Variants in PEPD observed in about 807,000 individuals in gnomAD.
The protein encoded by PEPD is peptidase D.
Under a neutral mutation model 60.7 loss-of-function variants are expected in PEPD, and 53 were observed. That is an observed-to-expected ratio of 0.87 (90% CI 0.70 to 1.10). PEPD has a LOEUF of 1.10. PEPD is among the 50% of genes least tolerant of loss of function. PEPD has a pLI of 0.00. For missense variants in PEPD, 711 were observed against 711.9 expected, an observed-to-expected ratio of 1.00 and a Z score of 0.01; for synonymous variants, 267 against 284.1, an observed-to-expected ratio of 0.94 and a Z score of 0.60.
chr19:33,467,940 G>A (rs1970050265), intron 7 of PEPD, among the ~76,000 whole-genome samples: 1 of 152,142 alleles, frequency 6.6e-6, no homozygotes, highest in African/African-American at 2.4e-5. Flanking sequence ...GAGTGAAAGG[G>A]CCACGTCCTC....
intron 11 of PEPD, among the ~76,000 whole-genome samples, chr19:33,404,968 T>C (rs928300134): frequency 2.0e-5 from 3 of 152,168 alleles, no homozygotes; most frequent in South Asian, 2.1e-4. Context: ...AAACCGACAA[T>C]GGAGAATTCG....
intron 5 of PEPD, among the ~76,000 whole-genome samples, chr19:33,492,814 C>T (rs900953956): frequency 1.3e-5 from 2 of 152,172 alleles, no homozygotes; most frequent in African/African-American, 4.8e-5. Flanking sequence ...GGATGGGGTC[C>T]CATAAACAGC....
At chr19:33,465,650 C>T (rs947582737) in intron 7 of PEPD, among the ~76,000 whole-genome samples, 9 of 152,192 alleles carry the variant, frequency 5.9e-5, no homozygotes, top group African/African-American at 2.2e-4. Context: ...CCTCAATACG[C>T]TTCCTGCCTA....
At chr19:33,443,969 C>A (rs951378470) in intron 9 of PEPD, among the ~76,000 whole-genome samples, 1 of 151,792 alleles carries the variant, frequency 6.6e-6, no homozygotes, top group Non-Finnish European at 1.5e-5. Context: ...CAAGTGCACG[C>A]GCGTGCGCGC....
Position 33,387,878 on chromosome 19 carries a change from G to C in PEPD, c.1344+12C>G, listed in dbSNP as rs1249813509. On this transcript the variant is annotated intron_variant, in intron 14 of 14. Coordinates refer to ENST00000244137, the MANE Select transcript of PEPD (RefSeq NM_000285.4). ...TGTTCTGGGAGCAAGAATGGGGCCC[G>C]TGGGCACTCACCCCGCCAAAACCGC... 6.4e-7 allele frequency: 1 copy of C among 1,552,770 alleles called. No homozygotes were observed. Among genetic ancestry groups the C allele is most frequent in the Non-Finnish European group, 8.7e-7 (1 of 1,147,784 alleles).
intron 3 of PEPD, among the ~76,000 whole-genome samples, chr19:33,505,190 C>A (rs1970776255): frequency 6.6e-6 from 1 of 152,180 alleles, no homozygotes; most frequent in South Asian, 2.1e-4. Context: ...CCATCACCAT[C>A]CATTTCCCGC....
chr19:33,393,257 T>G (rs1600077239), intron 12 of PEPD, among the ~76,000 whole-genome samples: 3 of 96,864 alleles, frequency 3.1e-5, no homozygotes, highest in African/African-American at 1.2e-4. Flanking sequence ...GGGTCTGGCG[T>G]GGGGGAGGGC....
At chr19:33,407,188 G>A (rs184336853) in intron 11 of PEPD, among the ~76,000 whole-genome samples, 5 of 152,350 alleles carry the variant, frequency 3.3e-5, no homozygotes, top group Admixed American at 6.5e-5. Context: ...AGGGAGGCAG[G>A]AGGAGTGTCC....
At chr19:33,396,738 C>T (rs1245471419) in intron 12 of PEPD, among the ~76,000 whole-genome samples, 1 of 138,110 alleles carries the variant, frequency 7.2e-6, no homozygotes, top group Non-Finnish European at 1.6e-5. Flanking sequence ...GGAGCTGGGT[C>T]GGGGCTGGGA....
chr19:33,408,872 C>T (rs8100424), intron 11 of PEPD, among the ~76,000 whole-genome samples: 16,516 of 152,294 alleles, frequency 0.11, 2,032 homozygotes, highest in African/African-American at 0.3. Flanking sequence ...CAACAATGGA[C>T]TATAAATGCC....
At chr19:33,437,298 C>T (rs554974543) in intron 9 of PEPD, among the ~76,000 whole-genome samples, 5 of 152,094 alleles carry the variant, frequency 3.3e-5, no homozygotes, top group East Asian at 1.9e-4. Flanking sequence ...GGCAATTCCA[C>T]GAACAAATGG....
chr19:33,439,446 C>T (rs1969443315), intron 9 of PEPD, among the ~76,000 whole-genome samples: 1 of 152,240 alleles, frequency 6.6e-6, no homozygotes, highest in East Asian at 1.9e-4. Flanking sequence ...GACTCCTCCC[C>T]TTTGTGCACA....
intron 9 of PEPD, among the ~76,000 whole-genome samples, chr19:33,415,844 GC>G (rs2145370620): frequency 6.6e-6 from 1 of 152,258 alleles, no homozygotes; most frequent in South Asian, 2.1e-4. Context: ...GGATATTCAC[GC>G]CCGCCTAAAA....
At chr19:33,455,905 T>C (rs1969788559) in intron 9 of PEPD, among the ~76,000 whole-genome samples, 1 of 152,120 alleles carries the variant, frequency 6.6e-6, no homozygotes, top group Non-Finnish European at 1.5e-5. Context: ...TCTAATATGA[T>C]TCTCCAGGAG....
At chr19:33,456,625 C>T (rs1472855199) in intron 9 of PEPD, among the ~76,000 whole-genome samples, 1 of 152,180 alleles carries the variant, frequency 6.6e-6, no homozygotes, top group Non-Finnish European at 1.5e-5. Flanking sequence ...TCAACACAGC[C>T]TTCAGAGAAA....
chr19:33,398,184 C>T (rs1968410295), intron 12 of PEPD, among the ~76,000 whole-genome samples: 2 of 152,242 alleles, frequency 1.3e-5, no homozygotes, highest in Admixed American at 6.5e-5. Context: ...CTGATGGGCC[C>T]GGCACTGCCT....
intron 4 of PEPD, among the ~76,000 whole-genome samples, chr19:33,498,012 T>C (rs895276324): frequency 4.6e-5 from 7 of 151,932 alleles, no homozygotes; most frequent in Non-Finnish European, 1.5e-5. Context: ...GCCTCATATC[T>C]ATGAACGGGG....
chr19:33,448,353 G>A (rs192668509), intron 9 of PEPD, among the ~76,000 whole-genome samples: 21 of 152,158 alleles, frequency 1.4e-4, no homozygotes, highest in African/African-American at 4.3e-4. Context: ...AGCCACCTCC[G>A]AGGTGGGCGT....
rs75084252 is a variant in PEPD, at chr19:33,430,410, G to A, written c.672-16767C>T. On this transcript the variant is annotated intron_variant, in intron 9 of 14. Transcript: ENST00000244137. ...GCTTCCGGGGGCAGTCTGGGTAAGTGGATTATGATGCAGCCCCAGTGTGCC... is the reference window on the plus strand; with the variant it reads ...GCTTCCGGGGGCAGTCTGGGTAAGTAGATTATGATGCAGCCCCAGTGTGCC... Among the ~76,000 whole-genome samples, 555 of 152,184 alleles carry A rather than the reference G, an allele frequency of 3.6e-3. 4 individuals are homozygous for A. Among genetic ancestry groups the A allele is most frequent in the African/African-American group, 0.013 (532 of 41,518 alleles).
Sources: gnomAD v4.1 joint callset for allele counts (sites outside exome capture counted in the v4.1 genomes callset) on GRCh38, gnomAD v4.1.1 for gene constraint, MANE v1.5 for transcripts, NCBI Gene and HGNC (gene_info 2026-07-23, HGNC 2026-07-21) for gene names.